Variants in ROBO2 observed in about 807,000 individuals in gnomAD.
ROBO2 encodes roundabout homolog 2.
ROBO2 carries 53 observed loss-of-function variants against 160.8 expected under a neutral mutation model. The observed-to-expected ratio is 0.33, with a 90% CI of 0.26 to 0.41. The LOEUF is 0.41. ROBO2 is among the 10% of genes least tolerant of loss of function. The probability of loss-of-function intolerance (pLI) is 1.00; values close to 1 mark genes in which losing one functional copy is unlikely to be tolerated. For synonymous variants in ROBO2, 664 were observed against 611.7 expected (o/e 1.09, Z -1.26); for missense variants, 1,577 against 1,722.4 (o/e 0.92, Z 1.49).
At chr3:77,418,194 T>C (rs2077418773) in intron 2 of ROBO2, among the ~76,000 whole-genome samples, 1 of 152,160 alleles carries the variant, frequency 6.6e-6, no homozygotes, top group African/African-American at 2.4e-5. Flanking sequence ...TTTTGGTGCT[T>C]CTTGTTTTTC....
intron 1 of ROBO2, among the ~76,000 whole-genome samples, chr3:77,066,497 T>C (rs562206460): frequency 1.3e-5 from 2 of 152,214 alleles, no homozygotes; most frequent in African/African-American, 4.8e-5. Flanking sequence ...GTGTTATCAA[T>C]TAGAAAAATT....
chr3:77,255,147 C>T (rs1030222273), intron 2 of ROBO2, among the ~76,000 whole-genome samples: 4 of 151,980 alleles, frequency 2.6e-5, no homozygotes, highest in African/African-American at 9.7e-5. Flanking sequence ...GTAAGGTTAC[C>T]CAGTGAAATA....
At chr3:76,328,239 C>A (rs192998060) in intron 2 of ROBO2, among the ~76,000 whole-genome samples, 2 of 152,228 alleles carry the variant, frequency 1.3e-5, no homozygotes, top group Admixed American at 1.3e-4. Context: ...TACATATTCC[C>A]GTCCAACTCT....
chr3:75,973,653 CAGG>C (rs1385631450), intron 2 of ROBO2, among the ~76,000 whole-genome samples: 4 of 151,426 alleles, frequency 2.6e-5, no homozygotes, highest in African/African-American at 9.7e-5. Flanking sequence ...TTTGAAAAAA[CAGG>C]AGAGTAAGAA....
chr3:76,266,057 G>A (rs1707082946), intron 2 of ROBO2, among the ~76,000 whole-genome samples: 1 of 152,056 alleles, frequency 6.6e-6, no homozygotes, highest in Non-Finnish European at 1.5e-5. Flanking sequence ...AAATGTGAAG[G>A]AAATACAGAA....
chr3:76,035,190 T>TA (rs1053291017), intron 2 of ROBO2, among the ~76,000 whole-genome samples: 1 of 21,752 alleles, frequency 4.6e-5, no homozygotes. Context: ...TAAATATATC[T>TA]TTTTTTTTTT....
At chr3:76,189,889 CT>C (rs1701929618) in intron 2 of ROBO2, among the ~76,000 whole-genome samples, 1 of 152,066 alleles carries the variant, frequency 6.6e-6, no homozygotes, top group East Asian at 1.9e-4. Flanking sequence ...GATCACTTGT[CT>C]AAAGGCATAC....
At chr3:77,190,515 A>T (rs761120853) in intron 2 of ROBO2, among the ~76,000 whole-genome samples, 1 of 151,962 alleles carries the variant, frequency 6.6e-6, no homozygotes. Context: ...TTCTTTTCAG[A>T]CAAAACCTGT....
intron 2 of ROBO2, among the ~76,000 whole-genome samples, chr3:76,783,218 TA>T (rs1283857714): frequency 6.6e-6 from 1 of 150,982 alleles, no homozygotes; most frequent in Non-Finnish European, 1.5e-5. Context: ...TTATATGGTG[TA>T]TGCATTAAGT....
intron 2 of ROBO2, among the ~76,000 whole-genome samples, chr3:76,509,044 T>C (rs1289099389): frequency 6.6e-6 from 1 of 152,208 alleles, no homozygotes; most frequent in African/African-American, 2.4e-5. Flanking sequence ...CATGCCCATA[T>C]AGTGAATTGG....
chr3:76,268,795 GC>G (rs1707251390), intron 2 of ROBO2, among the ~76,000 whole-genome samples: 1 of 152,048 alleles, frequency 6.6e-6, no homozygotes, highest in Admixed American at 6.6e-5. Flanking sequence ...GAAGTTGACT[GC>G]CTCTTTAGTA....
intron 2 of ROBO2, among the ~76,000 whole-genome samples, chr3:77,422,986 T>C (rs1308485390): frequency 2.6e-5 from 4 of 152,194 alleles, no homozygotes; most frequent in Non-Finnish European, 5.9e-5. Flanking sequence ...GTAGTGTAAC[T>C]ATATTTTCTA....
At chr3:76,610,245 C>T (rs1159947793) in intron 2 of ROBO2, among the ~76,000 whole-genome samples, 5 of 152,112 alleles carry the variant, frequency 3.3e-5, no homozygotes, top group South Asian at 2.1e-4. Flanking sequence ...CCTTTGGAGC[C>T]GCTTCACCAG....
intron 2 of ROBO2, among the ~76,000 whole-genome samples, chr3:77,389,156 C>A (rs766326993): frequency 2.0e-5 from 3 of 152,112 alleles, no homozygotes; most frequent in Non-Finnish European, 4.4e-5. Flanking sequence ...GTTGGTCATG[C>A]TGGTCTTGAA....
chr3:76,799,125 A>G (rs1234375702), intron 2 of ROBO2, among the ~76,000 whole-genome samples: 1 of 152,008 alleles, frequency 6.6e-6, no homozygotes, highest in African/African-American at 2.4e-5. Context: ...GAGGCAGGAG[A>G]ATCACTTGAA....
At chr3:76,872,578 T>G (rs1278016362) in intron 2 of ROBO2, among the ~76,000 whole-genome samples, 3 of 152,040 alleles carry the variant, frequency 2.0e-5, no homozygotes, top group African/African-American at 7.2e-5. Context: ...TATAGAATTG[T>G]AGACTTATTT....
chr3:76,068,511 C>T (rs962184615), intron 2 of ROBO2, among the ~76,000 whole-genome samples: 2 of 152,160 alleles, frequency 1.3e-5, no homozygotes, highest in African/African-American at 2.4e-5. Flanking sequence ...GACCCTATCG[C>T]CTCTCAATTA....
At chr3:76,231,136 C>T (rs1704598957) in intron 2 of ROBO2, among the ~76,000 whole-genome samples, 1 of 152,184 alleles carries the variant, frequency 6.6e-6, no homozygotes, top group Admixed American at 6.5e-5. Flanking sequence ...GTCAGAGAAA[C>T]TTTGTTAGGA....
At chr3:76,139,402 C>G (rs1217254530) in intron 2 of ROBO2, among the ~76,000 whole-genome samples, 3 of 151,976 alleles carry the variant, frequency 2.0e-5, no homozygotes, top group Non-Finnish European at 4.4e-5. Flanking sequence ...AGAATAAGAA[C>G]CAAATCTCTG....
Sources: allele counts gnomAD v4.1 joint callset (sites outside exome capture counted in the v4.1 genomes callset), GRCh38; gene constraint gnomAD v4.1.1; transcripts MANE v1.5; gene names NCBI Gene and HGNC (gene_info 2026-07-23, HGNC 2026-07-21).